Variants in GLI3 observed in about 807,000 individuals in gnomAD.
GLI3 encodes transcription activator GLI3.
In GLI3, 20 loss-of-function variants were observed where a neutral mutation model predicts 100.8. The ratio of observed to expected loss-of-function variants is 0.20; its 90% CI spans 0.14 to 0.29. The LOEUF (loss-of-function observed/expected upper bound fraction) is 0.29, where lower values mean the gene tolerates loss of function less well. GLI3 is among the 10% of genes least tolerant of loss of function. The pLI, the probability that GLI3 is intolerant of heterozygous loss-of-function variation, is 1.00. For missense variants in GLI3, 2,040 were observed against 2,128.5 expected, an observed-to-expected ratio of 0.96 and a Z score of 0.82; for synonymous variants, 938 against 860.5, an observed-to-expected ratio of 1.09 and a Z score of -1.58.
At chr7:42,208,145 G>T (rs920119014) in intron 2 of GLI3, among the ~76,000 whole-genome samples, 13 of 151,914 alleles carry the variant, frequency 8.6e-5, no homozygotes, top group Non-Finnish European at 1.8e-4. Context: ...GGCGACAGAG[G>T]GAGACTCCAT....
At chr7:42,065,487 T>G (rs1344702812) in intron 4 of GLI3, among the ~76,000 whole-genome samples, 1 of 152,102 alleles carries the variant, frequency 6.6e-6, no homozygotes, top group African/African-American at 2.4e-5. Flanking sequence ...AATAAAATAT[T>G]TACTCTTTGT....
chr7:41,999,187 A>G (rs1788217890), intron 10 of GLI3, among the ~76,000 whole-genome samples: 1 of 152,204 alleles, frequency 6.6e-6, no homozygotes, highest in Non-Finnish European at 1.5e-5. Context: ...CTACTAAGAA[A>G]AAAAATGAGA....
chr7:42,026,545 T>C (rs766516521), intron 7 of GLI3, 133 bp from the exon 8 acceptor site: 7 of 742,930 alleles, frequency 9.4e-6, no homozygotes, highest in Non-Finnish European at 1.6e-5. Flanking sequence ...GGTAGGATTA[T>C]TGCCAAGCAT....
At position 41,965,928 on chromosome 7, in the gene GLI3, A is replaced by G; in HGVS notation, c.3145T>C (p.Tyr1049His). 3.7e-6 allele frequency: 6 copies of G among 1,613,190 alleles called. No individual in the cohort carries two copies. The highest frequency in any genetic ancestry group is 5.1e-6 in the Non-Finnish European group (6 of 1,179,896). ...GACTGGCCGCCCTCGGGCCGCGTGT[A>G]ATTCTGAAGCACGAGACTGCGCTTC... is the stretch of plus-strand genomic sequence containing the variant. ...AEKRSLVLQN[Y>H]TRPEGGQSRN... The change falls in exon 15 of 15, where the codon TAC becomes CAC. Residue 1049 changes from tyrosine to histidine, a missense_variant. By Grantham distance (83) the Tyr-to-His change is moderately conservative. Coordinates refer to ENST00000395925, the MANE Select transcript of GLI3 (RefSeq NM_000168.6).
chr7:42,203,572 T>C (rs549339000), intron 2 of GLI3, among the ~76,000 whole-genome samples: 1 of 152,374 alleles, frequency 6.6e-6, no homozygotes, highest in East Asian at 1.9e-4. Flanking sequence ...TTCTTTTTAA[T>C]GGCTGCATAG....
At chr7:42,238,025 T>TCTCCTC (rs936105925), upstream of GLI3, among the ~76,000 whole-genome samples, 20 of 108,976 alleles carry the variant, frequency 1.8e-4, no homozygotes, top group South Asian at 7.8e-4. Flanking sequence ...TCCTCCTCCT[T>TCTCCTC]CTCCTCCTCC....
intron 2 of GLI3, among the ~76,000 whole-genome samples, chr7:42,200,212 G>C (rs1037708323): frequency 6.6e-6 from 1 of 152,172 alleles, no homozygotes; most frequent in Non-Finnish European, 1.5e-5. Context: ...GTGAAACCTG[G>C]TTTCCTAATT....
chr7:42,122,781 AT>A (rs1318558990), intron 3 of GLI3, among the ~76,000 whole-genome samples: 1 of 152,230 alleles, frequency 6.6e-6, no homozygotes, highest in Non-Finnish European at 1.5e-5. Flanking sequence ...AGCTGTAGTA[AT>A]CCCCTCTGTA....
intron 12 of GLI3, among the ~76,000 whole-genome samples, chr7:41,976,195 G>A (rs982405245): frequency 3.9e-5 from 6 of 152,216 alleles, no homozygotes; most frequent in African/African-American, 7.2e-5. Context: ...CAAAACAAGT[G>A]TAATAGATTA....
At chr7:42,262,236 C>CCTTCCTTCCTTCCTTT (rs1207977946) in intron 1 of GLI3, among the ~76,000 whole-genome samples, 2 of 143,794 alleles carry the variant, frequency 1.4e-5, no homozygotes, top group Non-Finnish European at 3.0e-5. Flanking sequence ...TTCCTTCCTT[C>CCTTCCTTCCTTCCTTT]CTTCCTTCCT....
intron 7 of GLI3, among the ~76,000 whole-genome samples, chr7:42,029,510 T>C (rs1789221664): frequency 6.6e-6 from 1 of 152,164 alleles, no homozygotes; most frequent in Non-Finnish European, 1.5e-5. Context: ...AAGATTCTCC[T>C]GAGGTTTTCC....
chr7:42,162,965 C>CTT lies in GLI3; in HGVS notation c.125-14499_125-14498dup, dbSNP rs58993499. Among the ~76,000 whole-genome samples the CTT allele has an allele frequency of 5.9e-4, 56 of 95,594 alleles. 3 individuals carry two copies. The highest frequency in any genetic ancestry group is 1.8e-3 in the African/African-American group (42 of 22,726). The allele number at this position is 95,594 out of a possible 152,430, so 62.7% of individuals were successfully genotyped here. ...GTCCAGGGGAAGGAGGAATAAACAC[C>CTT]TTTTTTTTTTTTTTTTTTTTTTTTT... is the stretch of plus-strand genomic sequence containing the variant. On this transcript the variant is annotated intron_variant, in intron 2 of 14. Coordinates refer to ENST00000395925, the MANE Select transcript of GLI3 (RefSeq NM_000168.6).
chr7:41,991,557 T>C (rs1332825477), intron 10 of GLI3, among the ~76,000 whole-genome samples: 1 of 152,234 alleles, frequency 6.6e-6, no homozygotes, highest in East Asian at 1.9e-4. Flanking sequence ...TAATTTTCTT[T>C]AGCTTATTAG....
In GLI3 at chr7:41,964,347, G is replaced by C. The variant is rs1318035074; in HGVS notation, c.4726C>G (p.Leu1576Val). ...CCTAAAGCCTATTGCATAACTGCAA[G>C]GAATTTGCTTTCTTCCGCTAGGGAG... ...LTSLAEESKF[L>V]AVMQ Residue 1576 changes from leucine to valine, a missense_variant, in exon 15 of 15, where the codon CTT (leucine) becomes GTT (valine). Leu to Val is a conservative substitution (Grantham distance 32). Around this residue, in one of 5 missense-constraint regions of GLI3, gnomAD observed 1,041 missense variants for 924.0 expected, o/e 1.13. Coordinates refer to ENST00000395925, the MANE Select transcript of GLI3 (RefSeq NM_000168.6). The C allele has an allele frequency of 3.7e-6, 6 of 1,614,126 alleles. No homozygotes were observed. The highest frequency in any genetic ancestry group is 5.1e-6 in the Non-Finnish European group (6 of 1,179,970).
At chr7:42,042,207 G>T (rs902069749) in intron 6 of GLI3, among the ~76,000 whole-genome samples, 2 of 151,870 alleles carry the variant, frequency 1.3e-5, no homozygotes, top group African/African-American at 4.8e-5. Context: ...CAGAGACGGG[G>T]GTTTCACTGT....
chr7:41,970,773 C>T (rs1314699130), intron 13 of GLI3, among the ~76,000 whole-genome samples: 2 of 152,246 alleles, frequency 1.3e-5, no homozygotes, highest in Non-Finnish European at 2.9e-5. Flanking sequence ...TATAAATCAT[C>T]GGTTTCATGA....
chr7:42,158,770 G>A (rs991767189), intron 2 of GLI3, among the ~76,000 whole-genome samples: 2 of 152,082 alleles, frequency 1.3e-5, no homozygotes, highest in Non-Finnish European at 2.9e-5. Flanking sequence ...AATTACAGGC[G>A]TGATGTGAGC....
intron 2 of GLI3, among the ~76,000 whole-genome samples, chr7:42,150,770 C>A (rs1266619551): frequency 6.6e-6 from 1 of 152,162 alleles, no homozygotes; most frequent in Non-Finnish European, 1.5e-5. Context: ...CTATAATAAA[C>A]CCTGTCTTAA....
intron 1 of GLI3, among the ~76,000 whole-genome samples, chr7:42,261,223 A>AC (rs1491140813): frequency 7.1e-5 from 5 of 70,766 alleles, no homozygotes; most frequent in Non-Finnish European, 1.5e-4. Context: ...ACACACACAC[A>AC]ACACACACAC....
Sources: allele counts gnomAD v4.1 joint callset (sites outside exome capture counted in the v4.1 genomes callset), GRCh38; gene constraint gnomAD v4.1.1; regional missense constraint gnomAD v4.1.1; transcripts MANE v1.5; gene names NCBI Gene and HGNC (gene_info 2026-07-23, HGNC 2026-07-21).